The following ZNF385B variants were observed in gnomAD, a reference collection of about 807,000 sequenced individuals.
ZNF385B encodes the protein zinc finger protein 385B.
In ZNF385B, 23 loss-of-function variants were observed where a neutral mutation model predicts 39.2. That is an observed-to-expected ratio of 0.59 (90% CI 0.42 to 0.83). The LOEUF (loss-of-function observed/expected upper bound fraction) is 0.83, where lower values mean the gene tolerates loss of function less well. Ranked by LOEUF, ZNF385B falls within the 40% of genes least tolerant of loss-of-function variation. The pLI is 0.00. For synonymous variants in ZNF385B, 205 were observed against 222.6 expected (o/e 0.92, Z 0.70); for missense variants, 552 against 598.9 (o/e 0.92, Z 0.82).
At chr2:179,701,060 T>C (rs1165523526) in intron 3 of ZNF385B, among the ~76,000 whole-genome samples, 1 of 152,158 alleles carries the variant, frequency 6.6e-6, no homozygotes, top group Non-Finnish European at 1.5e-5. Context: ...CACTCATTGG[T>C]ATCATCTATA....
chr2:179,748,360 G>C (rs1702497039), intron 3 of ZNF385B, among the ~76,000 whole-genome samples: 1 of 152,076 alleles, frequency 6.6e-6, no homozygotes. Context: ...CTTGACATAA[G>C]TATTTTTTTA....
chr2:179,575,055 G>C (rs1515305), intron 3 of ZNF385B, among the ~76,000 whole-genome samples: 39,821 of 151,920 alleles, frequency 0.26, 5,743 homozygotes, highest in Middle Eastern at 0.43. Flanking sequence ...TGGATGGTCT[G>C]CTTGCCTCTC....
chr2:179,497,084 A>C (rs937622508), intron 5 of ZNF385B, among the ~76,000 whole-genome samples: 1 of 152,158 alleles, frequency 6.6e-6, no homozygotes, highest in African/African-American at 2.4e-5. Flanking sequence ...CAGAGAAACA[A>C]AGACTTTCCC....
chr2:179,730,127 T>C (rs1483878060), intron 3 of ZNF385B, among the ~76,000 whole-genome samples: 1 of 152,222 alleles, frequency 6.6e-6, no homozygotes, highest in East Asian at 1.9e-4. Context: ...TATTTAACAC[T>C]GCATTGGGAC....
At chr2:179,493,703 GTATACACA>G (rs1559336926) in intron 5 of ZNF385B, among the ~76,000 whole-genome samples, 1 of 135,000 alleles carries the variant, frequency 7.4e-6, no homozygotes, top group East Asian at 2.2e-4. Context: ...ATACATATAT[GTATACACA>G]TATGCATATA....
intron 4 of ZNF385B, among the ~76,000 whole-genome samples, chr2:179,522,415 T>C (rs1169161632): frequency 6.6e-6 from 1 of 152,220 alleles, no homozygotes; most frequent in African/African-American, 2.4e-5. Flanking sequence ...GATAATTCTT[T>C]TATTCTATCA....
intron 3 of ZNF385B, among the ~76,000 whole-genome samples, chr2:179,736,819 A>T (rs1290268010): frequency 2.0e-5 from 3 of 151,994 alleles, no homozygotes; most frequent in Admixed American, 6.6e-5. Flanking sequence ...AAATACAAAA[A>T]ATTAGCCAGG....
intron 3 of ZNF385B, among the ~76,000 whole-genome samples, chr2:179,676,130 C>T (rs1319551035): frequency 6.6e-6 from 1 of 150,720 alleles, no homozygotes; most frequent in Non-Finnish European, 1.5e-5. Flanking sequence ...GCTTTGCCGC[C>T]CAGGCTGGAG....
In ZNF385B at chr2:179,481,457, A is replaced by T. The variant is rs112808635; in HGVS notation, c.715+1815T>A. Among the ~76,000 whole-genome samples the T allele has an allele frequency of 6.3e-3, 957 of 151,942 alleles. 9 individuals carry two copies. The highest frequency in any genetic ancestry group is 0.022 in the African/African-American group (905 of 41,436). ...CCTTTAATTATCTGCTTTTTTAAAAAATGGATTCTTCTCTGATTGTTCCAT... is the reference window on the plus strand; with the variant it reads ...CCTTTAATTATCTGCTTTTTTAAAATATGGATTCTTCTCTGATTGTTCCAT... On this transcript the variant is annotated intron_variant, in intron 6 of 9. Transcript: ENST00000410066.
chr2:179,718,565 A>T (rs1240991990), intron 3 of ZNF385B, among the ~76,000 whole-genome samples: 1 of 149,098 alleles, frequency 6.7e-6, no homozygotes, highest in Non-Finnish European at 1.5e-5. Context: ...CCAGTATAGG[A>T]CGATTCTAAC....
Position 179,861,416 on chromosome 2 carries a change from C to A in ZNF385B, c.-470G>T, listed in dbSNP as rs1685060941. The A allele has an allele frequency of 6.6e-6, 1 of 150,488 alleles. No homozygotes were observed. Among genetic ancestry groups the A allele is most frequent in the African/African-American group, 2.4e-5 (1 of 41,172 alleles). 9.3% of individuals were successfully genotyped at this position (150,488 alleles called of 1,614,324 possible). A position where few individuals can be genotyped will look rare whatever the true frequency, so the allele number is the denominator to read the frequency against. Reference sequence around the variant, plus strand: ...CCTCGCCCAGGTGAGGGGCGTGTGCCCGGAGCCCGCTGGGCGCGCCCGGCC... The same window carrying A: ...CCTCGCCCAGGTGAGGGGCGTGTGCACGGAGCCCGCTGGGCGCGCCCGGCC... On this transcript the variant is annotated 5_prime_UTR_variant, in exon 1 of 10. Coordinates refer to ENST00000410066, the MANE Select transcript of ZNF385B (RefSeq NM_152520.6).
chr2:179,504,596 G>T (rs2057079596), intron 5 of ZNF385B, among the ~76,000 whole-genome samples: 1 of 151,728 alleles, frequency 6.6e-6, no homozygotes, highest in African/African-American at 2.4e-5. Flanking sequence ...GTATCTCATA[G>T]TGGTTTTGAT....
At chr2:179,550,977 A>C (rs928888317) in intron 3 of ZNF385B, among the ~76,000 whole-genome samples, 12 of 152,116 alleles carry the variant, frequency 7.9e-5, no homozygotes, top group Admixed American at 2.0e-4. Context: ...CAGGCATTTC[A>C]ATGCAAAAGG....
chr2:179,775,101 A>G (rs567527733), intron 1 of ZNF385B, among the ~76,000 whole-genome samples: 1 of 152,326 alleles, frequency 6.6e-6, no homozygotes, highest in Non-Finnish European at 1.5e-5. Context: ...AGTTCTGAGT[A>G]CCAGATTATA....
At chr2:179,519,783 G>A (rs756983946) in intron 4 of ZNF385B, among the ~76,000 whole-genome samples, 5 of 152,128 alleles carry the variant, frequency 3.3e-5, no homozygotes, top group East Asian at 1.9e-4. Flanking sequence ...AATCTCCTGA[G>A]GTTAGAGATT....
intron 3 of ZNF385B, among the ~76,000 whole-genome samples, chr2:179,550,565 C>T (rs994711382): frequency 1.3e-5 from 2 of 149,750 alleles, no homozygotes; most frequent in African/African-American, 5.0e-5. Context: ...CCATGTTAAA[C>T]ACAGATTGTT....
intron 3 of ZNF385B, among the ~76,000 whole-genome samples, chr2:179,743,346 A>G (rs1416045845): frequency 6.6e-6 from 1 of 152,096 alleles, no homozygotes; most frequent in East Asian, 1.9e-4. Flanking sequence ...GCTTCATCTA[A>G]AAACACAAAA....
intron 5 of ZNF385B, among the ~76,000 whole-genome samples, chr2:179,503,878 C>CTTT (rs534423777): frequency 7.5e-5 from 9 of 120,308 alleles, no homozygotes; most frequent in Non-Finnish European, 1.2e-4. Flanking sequence ...TTTTTTCATT[C>CTTT]TTTTTTTTTT....
chr2:179,482,800 T>C (rs943171453), intron 6 of ZNF385B, among the ~76,000 whole-genome samples: 6 of 152,108 alleles, frequency 3.9e-5, no homozygotes, highest in African/African-American at 1.2e-4. Flanking sequence ...TCTCAGAAAG[T>C]TCCCCCCTTT....
Sources: allele counts gnomAD v4.1 joint callset (sites outside exome capture counted in the v4.1 genomes callset), GRCh38; gene constraint gnomAD v4.1.1; transcripts MANE v1.5; gene names NCBI Gene and HGNC (gene_info 2026-07-23, HGNC 2026-07-21).